ANKRD30A: variants seen among roughly 807,000 people sequenced by gnomAD.
ANKRD30A encodes the protein ankyrin repeat domain-containing protein 30A.
In ANKRD30A, 170 loss-of-function variants were observed where a neutral mutation model predicts 166.3. The observed-to-expected ratio is 1.02, with a 90% CI of 0.90 to 1.16. ANKRD30A has a LOEUF of 1.16. ANKRD30A is among the 50% of genes most tolerant of loss of function. The probability of loss-of-function intolerance (pLI) is 0.00; values close to 1 mark genes in which losing one functional copy is unlikely to be tolerated. For missense variants in ANKRD30A, 1,630 were observed against 1,518.0 expected, an observed-to-expected ratio of 1.07 and a Z score of -1.23; for synonymous variants, 564 against 508.9, an observed-to-expected ratio of 1.11 and a Z score of -1.46.
At chr10:37,195,744 A>T (rs894583009) in intron 27 of ANKRD30A, among the ~76,000 whole-genome samples, 3 of 152,142 alleles carry the variant, frequency 2.0e-5, no homozygotes, top group African/African-American at 7.2e-5. Context: ...AATACAAAAA[A>T]TTAGCCGGAC....
downstream of ANKRD30A, among the ~76,000 whole-genome samples, chr10:37,234,477 G>A (rs1452390574): frequency 6.6e-6 from 1 of 152,032 alleles, no homozygotes; most frequent in African/African-American, 2.4e-5. Flanking sequence ...AGGTTTGAAA[G>A]TTATATAGTA....
At position 37,133,136 on chromosome 10, in the gene ANKRD30A, G is replaced by A. The variant is rs1836478590; in HGVS notation, c.618-780G>A. 2.0e-5 allele frequency among the ~76,000 whole-genome samples: 3 copies of A among 152,150 alleles called. No individual in the cohort carries two copies. The South Asian group carries it at 6.2e-4, about 31-fold the overall frequency. ...ACGTGACTATTAATTGCTATCACCA[G>A]ATACTGTGAATTTATTATTATTTTT... On this transcript the variant is annotated intron_variant, in intron 4 of 35. Coordinates refer to ENST00000361713, the MANE Select transcript of ANKRD30A (RefSeq NM_052997.3).
intron 13 of ANKRD30A, among the ~76,000 whole-genome samples, chr10:37,154,381 G>A (rs868083298): frequency 1.3e-5 from 2 of 152,208 alleles, no homozygotes; most frequent in Admixed American, 6.5e-5. Context: ...CTCAGGTGAT[G>A]CTGATGCTGG....
chr10:37,167,638 G>T (rs1839464465), intron 19 of ANKRD30A, among the ~76,000 whole-genome samples: 1 of 151,836 alleles, frequency 6.6e-6, no homozygotes, highest in Non-Finnish European at 1.5e-5. Context: ...CATTCCTGAT[G>T]AGATTTGTAC....
chr10:37,228,724 T>C (rs998323524), intron 34 of ANKRD30A, among the ~76,000 whole-genome samples: 1 of 152,152 alleles, frequency 6.6e-6, no homozygotes, highest in East Asian at 1.9e-4. Flanking sequence ...GTAGCTCTTA[T>C]GTCTGTCTGC....
intron 30 of ANKRD30A, among the ~76,000 whole-genome samples, chr10:37,200,066 A>G (rs1032205197): frequency 2.6e-5 from 4 of 152,064 alleles, no homozygotes; most frequent in African/African-American, 4.8e-5. Context: ...GATCTGAAGT[A>G]CGTTTGTCTA....
chr10:37,157,979 T>A (rs61162278), intron 13 of ANKRD30A, among the ~76,000 whole-genome samples: 3,511 of 151,960 alleles, frequency 0.023, 112 homozygotes, highest in African/African-American at 0.08. Flanking sequence ...TTCTGACGTG[T>A]TTCCTTAACA....
chr10:37,259,721 A>G, the ANKRD30A span, among the ~76,000 whole-genome samples: 1 of 152,248 alleles, frequency 6.6e-6, no homozygotes, highest in Non-Finnish European at 1.5e-5. Context: ...ACAATGTTAG[A>G]CAAATGTAGC....
intron 31 of ANKRD30A, among the ~76,000 whole-genome samples, chr10:37,205,893 C>T (rs76355748): frequency 0.058 from 8,851 of 151,946 alleles, 368 homozygotes; most frequent in Middle Eastern, 0.1. Context: ...CACTGAGTAG[C>T]GAAGGTATAG....
chr10:37,217,952 T>A (rs1169700728), intron 33 of ANKRD30A, 74 bp downstream of exon 33: 1 of 1,126,772 alleles, frequency 8.9e-7, no homozygotes, highest in East Asian at 2.9e-5. Flanking sequence ...ATCCCTTTGA[T>A]TTAGTATGTA....
intron 13 of ANKRD30A, among the ~76,000 whole-genome samples, chr10:37,155,309 A>T (rs1838283169): frequency 6.6e-6 from 1 of 152,206 alleles, no homozygotes; most frequent in African/African-American, 2.4e-5. Flanking sequence ...GAGATGGCTA[A>T]GCTGGAAATT....
At chr10:37,165,021 G>C in intron 17 of ANKRD30A, 73 bp from the exon 18 acceptor site, 1 of 1,448,378 alleles carries the variant, frequency 6.9e-7, no homozygotes, top group Non-Finnish European at 9.7e-7. Flanking sequence ...AATGAAAGTA[G>C]ATTTGTATAT....
intron 27 of ANKRD30A, among the ~76,000 whole-genome samples, chr10:37,193,840 T>G (rs1197816031): frequency 6.6e-6 from 1 of 152,154 alleles, no homozygotes; most frequent in Non-Finnish European, 1.5e-5. Flanking sequence ...TGTAATGAAT[T>G]GCCTAGAGGT....
At chr10:37,129,662 G>A (rs1211262250) in intron 1 of ANKRD30A, among the ~76,000 whole-genome samples, 3 of 152,166 alleles carry the variant, frequency 2.0e-5, no homozygotes, top group Non-Finnish European at 4.4e-5. Flanking sequence ...ATTCAAGCCC[G>A]AGTTGAACTG....
intron 13 of ANKRD30A, among the ~76,000 whole-genome samples, chr10:37,157,698 T>C (rs1838493113): frequency 6.6e-6 from 1 of 152,144 alleles, no homozygotes; most frequent in South Asian, 2.1e-4. Context: ...ATGGGTACGC[T>C]TGGACCTTTT....
At chr10:37,253,206 G>T in the ANKRD30A span, among the ~76,000 whole-genome samples, 1 of 152,232 alleles carries the variant, frequency 6.6e-6, no homozygotes, top group African/African-American at 2.4e-5. Flanking sequence ...CTCTGACCCT[G>T]CATTGTCTGA....
At chr10:37,232,654 T>TTATGTATATATATATATATA (rs1843466959), downstream of ANKRD30A, 1 of 54,214 alleles carries the variant, frequency 1.8e-5, no homozygotes, top group African/African-American at 6.9e-5. Flanking sequence ...AGCATTGGTT[T>TTATGTATATATATATATATA]TATATATATA....
rs1168287821 is a variant in ANKRD30A at position 37,143,242 on chromosome 10, A to T, written c.1393+952A>T. 2.0e-5 allele frequency among the ~76,000 whole-genome samples: 3 copies of T among 152,268 alleles called. No homozygotes were observed. In the East Asian group the frequency reaches 5.8e-4, roughly 29 times the overall value. ...ATAGGAAGCCAGCAATGTTTTCTGCAGGGATTCATTGGAAAATTTTGAGCA... is the reference window on the plus strand; with the variant it reads ...ATAGGAAGCCAGCAATGTTTTCTGCTGGGATTCATTGGAAAATTTTGAGCA... On this transcript the variant is annotated intron_variant, in intron 7 of 35. Transcript: ENST00000361713.
downstream of ANKRD30A, among the ~76,000 whole-genome samples, chr10:37,235,765 C>CTTTTTTTTT: frequency 8.7e-6 from 1 of 114,950 alleles, no homozygotes; most frequent in Non-Finnish European, 1.8e-5. Flanking sequence ...ATTTCATTCT[C>CTTTTTTTTT]TTTTTTTTTT....
Sources: gnomAD v4.1 joint callset for allele counts (sites outside exome capture counted in the v4.1 genomes callset) on GRCh38, gnomAD v4.1.1 for gene constraint, MANE v1.5 for transcripts, NCBI Gene and HGNC (gene_info 2026-07-23, HGNC 2026-07-21) for gene names.